SLC43A2: variants seen among roughly 807,000 people sequenced by gnomAD.
The protein encoded by SLC43A2 is solute carrier family 43 member 2.
In SLC43A2, 38 loss-of-function variants were observed where a neutral mutation model predicts 63.2. The observed-to-expected ratio is 0.60, with a 90% CI of 0.46 to 0.79. SLC43A2 has a LOEUF of 0.79. Among genes scored for constraint, SLC43A2 ranks in the 30% least tolerant of loss-of-function variants. SLC43A2 has a pLI of 0.00. For missense variants in SLC43A2, 644 were observed against 756.2 expected (o/e 0.85, Z 1.74); for synonymous variants, 322 against 331.0 (o/e 0.97, Z 0.30).
rs1229455788 is a variant in SLC43A2, at chr17:1,616,636, C to A, written c.294G>T (p.Leu98=). ...LNLAFTVGSF[L]LSAITLPLGI... ...CCAGGGGCAGGGTGATGGCACTGAG[C>A]AGAAAGGAGCCCACAGTGAAGGCCA... Residue 98 remains leucine (L), a synonymous_variant, in exon 3 of 14, where the codon CTG becomes CTT. Transcript: ENST00000301335. 1.9e-6 allele frequency: 3 copies of A among 1,614,154 alleles called. No homozygotes were observed. The highest frequency in any genetic ancestry group is 1.1e-5 in the South Asian group (1 of 91,082).
rs866281453 is a variant in SLC43A2, at chr17:1,576,745, G to A, written c.1425-25C>T. On this transcript the variant is annotated intron_variant, in intron 12 of 13. Transcript: ENST00000301335. ...CCTGCAGGGCAAGCGACAGCTCACA[G>A]CCATCCTGCCTCCTGGGCTTTGCTT... is the stretch of plus-strand genomic sequence containing the variant. The A allele has an allele frequency of 9.3e-6, 15 of 1,604,806 alleles. No homozygotes were observed. The East Asian group carries it at 2.5e-4, about 26-fold the overall frequency.
At chr17:1,587,089 T>TGCATTTCCCGCACC in intron 9 of SLC43A2, 2 of 1,010,262 alleles carry the variant, frequency 2.0e-6, no homozygotes, top group South Asian at 1.6e-5. Context: ...TTTCCCACAC[T>TGCATTTCCCGCACC]GCGTTTCCCG....
In SLC43A2 at chr17:1,627,921, C is replaced by T; in HGVS notation, c.-46-1G>A. Reference sequence around the variant, plus strand: ...GGCTCCGGCTCCGGCTCTGCACCACCTGCGCACAGAACTCGGCGTCAGCGG... The same window carrying T: ...GGCTCCGGCTCCGGCTCTGCACCACTTGCGCACAGAACTCGGCGTCAGCGG... On this transcript the variant is annotated splice_acceptor_variant, in intron 1 of 13. Coordinates refer to ENST00000301335, the MANE Select transcript of SLC43A2 (RefSeq NM_152346.3). LOFTEE classifies it low-confidence loss of function (5UTR_SPLICE). 6.8e-7 allele frequency: 1 copy of T among 1,474,772 alleles called. No individual in the cohort carries two copies. Among genetic ancestry groups the T allele is most frequent in the Non-Finnish European group, 9.0e-7 (1 of 1,115,862 alleles). The allele number at this position is 1,474,772 out of a possible 1,614,324, so 91.4% of individuals were successfully genotyped here. A position where few individuals can be genotyped will look rare whatever the true frequency, so the allele number is the denominator to read the frequency against.
At chr17:1,599,076 C>A (rs925824865) in intron 5 of SLC43A2, among the ~76,000 whole-genome samples, 1 of 152,140 alleles carries the variant, frequency 6.6e-6, no homozygotes, top group African/African-American at 2.4e-5. Flanking sequence ...GGGCTGGGCG[C>A]GGTGGCTCAC....
At chr17:1,595,416 A>T (rs1905211268) in intron 5 of SLC43A2, among the ~76,000 whole-genome samples, 1 of 151,746 alleles carries the variant, frequency 6.6e-6, no homozygotes, top group Non-Finnish European at 1.5e-5. Context: ...AGTCACTGGG[A>T]CAACAGGCCC....
At chr17:1,599,210 T>C (rs771848686) in intron 5 of SLC43A2, among the ~76,000 whole-genome samples, 1 of 151,520 alleles carries the variant, frequency 6.6e-6, no homozygotes, top group Non-Finnish European at 1.5e-5. Flanking sequence ...TGTGGCGGCG[T>C]GCACCTGTAG....
At chr17:1,592,870 G>A (rs1193279811) in intron 6 of SLC43A2, among the ~76,000 whole-genome samples, 2 of 152,142 alleles carry the variant, frequency 1.3e-5, no homozygotes, top group African/African-American at 4.8e-5. Flanking sequence ...GGGGAGCAGC[G>A]GGAGACCAGG....
Position 1,574,616 on chromosome 17 carries a change from CA to C in SLC43A2, c.*987del. On this transcript the variant is annotated 3_prime_UTR_variant, in exon 14 of 14. Coordinates refer to ENST00000301335, the MANE Select transcript of SLC43A2 (RefSeq NM_152346.3). ...TCCAGGGCCCCACGGAGCCCGCCGG[CA>C]GGGGGTGCTGTGGGCCTGTGGCCTT... 1 of 152,422 alleles carries C rather than the reference CA, an allele frequency of 6.6e-6. No homozygotes were observed. The highest frequency in any genetic ancestry group is 2.1e-4 in the South Asian group (1 of 4,832). The allele number at this position is 152,422 out of a possible 1,614,324, so 9.4% of individuals were successfully genotyped here.
Position 1,627,889 on chromosome 17 carries a change from C to T in SLC43A2, c.-15G>A, listed in dbSNP as rs1371916760. ...GTGGGCGCCATGGTGCGGCGCGGCG[C>T]GGCTCCGGCTCCGGCTCCGGCTCTG... On this transcript the variant is annotated 5_prime_UTR_variant, in exon 2 of 14. Coordinates refer to ENST00000301335, the MANE Select transcript of SLC43A2 (RefSeq NM_152346.3). 2.0e-6 allele frequency: 3 copies of T among 1,530,272 alleles called. No individual in the cohort carries two copies. Among genetic ancestry groups the T allele is most frequent in the Non-Finnish European group, 2.6e-6 (3 of 1,138,836 alleles). 94.8% of individuals were successfully genotyped at this position (1,530,272 alleles called of 1,614,324 possible). A position where few individuals can be genotyped will look rare whatever the true frequency, so the allele number is the denominator to read the frequency against.
At chr17:1,584,053 A>ACG (rs1567613807) in intron 10 of SLC43A2, among the ~76,000 whole-genome samples, 6 of 150,998 alleles carry the variant, frequency 4.0e-5, no homozygotes, top group Non-Finnish European at 5.9e-5. Flanking sequence ...GCGCCACCTT[A>ACG]CCCGGCTAAT....
rs536106924 is a variant in SLC43A2 at position 1,569,629 on chromosome 17, G to T, written c.*5975C>A. 6.6e-6 allele frequency: 1 copy of T among 152,450 alleles called. No homozygotes were observed. The highest frequency in any genetic ancestry group is 2.1e-4 in the South Asian group (1 of 4,832). 9.4% of individuals were successfully genotyped at this position (152,450 alleles called of 1,614,324 possible). ...CACACACGCACACAGTCAGAGGCAC[G>T]GTCCCGCAGCTGTATGAGGATGCGG... On this transcript the variant is annotated 3_prime_UTR_variant, in exon 14 of 14. Coordinates refer to ENST00000301335, the MANE Select transcript of SLC43A2 (RefSeq NM_152346.3).
Position 1,605,014 on chromosome 17 carries a change from AG to A in SLC43A2, c.501+8180del. On this transcript the variant is annotated intron_variant, in intron 5 of 13. Coordinates refer to ENST00000301335, the MANE Select transcript of SLC43A2 (RefSeq NM_152346.3). This position sits in a 1 kb window ranked among gnomAD's most constrained non-coding sequence, Gnocchi z 4.9. ...GCTGGCGGAGGGGAAGGACCCCAGG[AG>A]GGGAAGGACCAGCTTTGCTGCCAAG... 7.0e-7 allele frequency: 1 copy of A among 1,431,794 alleles called. No individual in the cohort carries two copies. Among genetic ancestry groups the A allele is most frequent in the Non-Finnish European group, 9.1e-7 (1 of 1,094,298 alleles). The allele number at this position is 1,431,794 out of a possible 1,614,324, so 88.7% of individuals were successfully genotyped here. A position where few individuals can be genotyped will look rare whatever the true frequency, so the allele number is the denominator to read the frequency against.
intron 5 of SLC43A2, among the ~76,000 whole-genome samples, chr17:1,596,278 C>T (rs910879151): frequency 6.6e-6 from 1 of 151,680 alleles, no homozygotes; most frequent in African/African-American, 2.4e-5. Flanking sequence ...GACATTGATC[C>T]ACTGCACTCT....
intron 11 of SLC43A2, among the ~76,000 whole-genome samples, chr17:1,580,797 C>T (rs576681101): frequency 4.7e-5 from 7 of 150,396 alleles, no homozygotes; most frequent in African/African-American, 1.7e-4. Context: ...CTGGTGCAAT[C>T]TCAGTTCACT....
Position 1,585,128 on chromosome 17 carries a change from G to A in SLC43A2, c.1217+785C>T. 4.1e-6 allele frequency: 4 copies of A among 983,076 alleles called. No homozygotes were observed. The South Asian group carries it at 1.4e-4, about 34-fold the overall frequency. The allele number at this position is 983,076 out of a possible 1,614,324, so 60.9% of individuals were successfully genotyped here. On this transcript the variant is annotated intron_variant, in intron 10 of 13. Coordinates refer to ENST00000301335, the MANE Select transcript of SLC43A2 (RefSeq NM_152346.3). The stretch of plus-strand genomic sequence containing the variant: ...CTTTGGGAGGCTTTAAGATGGTGTA[G>A]CCACTGCCAAGGGGTGGAGGGAGGG...
At chr17:1,626,254 G>C (rs1054539) in intron 2 of SLC43A2, among the ~76,000 whole-genome samples, 28,458 of 149,626 alleles carry the variant, frequency 0.19, 3,257 homozygotes, top group East Asian at 0.45. Context: ...CGATCTCTAA[G>C]GGGGGAGAGA....
At chr17:1,629,253 C>T (rs1908975738), upstream of SLC43A2, among the ~76,000 whole-genome samples, 2 of 152,108 alleles carry the variant, frequency 1.3e-5, no homozygotes. Flanking sequence ...CCAGCTGCCC[C>T]CTGCGCGCGG....
intron 6 of SLC43A2, 124 bp from the exon 7 acceptor site, chr17:1,591,823 AG>A (rs1417658141): frequency 2.7e-6 from 2 of 740,138 alleles, no homozygotes; most frequent in Non-Finnish European, 4.4e-6. Context: ...CCGCGCAAAG[AG>A]GCACAGCCCT....
At chr17:1,617,184 C>T (rs960031636) in intron 2 of SLC43A2, among the ~76,000 whole-genome samples, 6 of 152,146 alleles carry the variant, frequency 3.9e-5, no homozygotes, top group Non-Finnish European at 7.4e-5. Context: ...TGGTGAGAAC[C>T]TTCTCACGGC....
Sources: gnomAD v4.1 joint callset for allele counts (sites outside exome capture counted in the v4.1 genomes callset) on GRCh38, gnomAD v4.1.1 for gene constraint, Gnocchi (gnomAD v3.1) non-coding constraint, MANE v1.5 for transcripts, NCBI Gene and HGNC (gene_info 2026-07-23, HGNC 2026-07-21) for gene names.